The following MTHFD2L variants were observed in gnomAD, a reference collection of about 807,000 sequenced individuals.
MTHFD2L encodes the protein bifunctional methylenetetrahydrofolate dehydrogenase/cyclohydrolase 2, mitochondrial.
Under a neutral mutation model 34.9 loss-of-function variants are expected in MTHFD2L, and 29 were observed. That is an observed-to-expected ratio of 0.83 (90% CI 0.62 to 1.13). MTHFD2L has a LOEUF of 1.13. Ranked by LOEUF, MTHFD2L falls within the 50% of genes most tolerant of loss-of-function variation. The pLI is 0.00. For synonymous variants in MTHFD2L, 167 were observed against 155.7 expected, an observed-to-expected ratio of 1.07 and a Z score of -0.54; for missense variants, 481 against 446.5, an observed-to-expected ratio of 1.08 and a Z score of -0.70.
intron 1 of MTHFD2L, among the ~76,000 whole-genome samples, chr4:74,162,737 T>C (rs897090427): frequency 6.6e-5 from 10 of 152,242 alleles, no homozygotes; most frequent in Admixed American, 2.0e-4. Context: ...AGTTAACAGA[T>C]TGAGAAATTG....
intron 6 of MTHFD2L, among the ~76,000 whole-genome samples, chr4:74,227,518 G>A (rs1739351095): frequency 6.6e-6 from 1 of 151,012 alleles, no homozygotes; most frequent in Non-Finnish European, 1.5e-5. Context: ...ATCCCGAGCA[G>A]AGGAAACAGC....
chr4:74,295,445 T>G (rs1384003683), intron 7 of MTHFD2L, among the ~76,000 whole-genome samples: 2 of 152,140 alleles, frequency 1.3e-5, no homozygotes, highest in East Asian at 3.9e-4. Context: ...GGTACTCCCA[T>G]AAGTGCCTGA....
intron 7 of MTHFD2L, among the ~76,000 whole-genome samples, chr4:74,283,509 C>A (rs184510231): frequency 2.6e-4 from 40 of 152,098 alleles, no homozygotes; most frequent in Non-Finnish European, 5.4e-4. Context: ...GGCTGGGAGA[C>A]CTAGCCTGTT....
intron 7 of MTHFD2L, among the ~76,000 whole-genome samples, chr4:74,291,447 T>G (rs1264487723): frequency 1.3e-5 from 2 of 152,170 alleles, no homozygotes; most frequent in African/African-American, 4.8e-5. Flanking sequence ...TCCCCTCAAG[T>G]TAACTTAATG....
intron 6 of MTHFD2L, among the ~76,000 whole-genome samples, chr4:74,244,125 G>A (rs1335535449): frequency 6.6e-6 from 1 of 152,170 alleles, no homozygotes; most frequent in East Asian, 1.9e-4. Context: ...AATCTTTCCA[G>A]TCTTCTGATC....
intron 6 of MTHFD2L, among the ~76,000 whole-genome samples, chr4:74,279,854 G>C (rs1747201235): frequency 6.6e-6 from 1 of 152,010 alleles, no homozygotes; most frequent in Non-Finnish European, 1.5e-5. Flanking sequence ...TCAAACATTG[G>C]TGACTCTTCT....
chr4:74,258,476 T>C (rs778445829), intron 6 of MTHFD2L, among the ~76,000 whole-genome samples: 1 of 152,088 alleles, frequency 6.6e-6, no homozygotes, highest in Non-Finnish European at 1.5e-5. Context: ...CACAGATTTT[T>C]TTTAACCAAA....
At chr4:74,127,537 A>G (rs1457362561) in intron 1 of MTHFD2L, among the ~76,000 whole-genome samples, 1 of 152,130 alleles carries the variant, frequency 6.6e-6, no homozygotes, top group Admixed American at 6.6e-5. Context: ...CACTTAACAT[A>G]ATGACCTCCA....
chr4:74,207,598 TC>T (rs1271224163), intron 5 of MTHFD2L, among the ~76,000 whole-genome samples: 1 of 152,170 alleles, frequency 6.6e-6, no homozygotes, highest in Non-Finnish European at 1.5e-5. Flanking sequence ...AGGCACTGCC[TC>T]TGCATTGGCA....
At chr4:74,118,137 A>G (rs1721686956) in intron 2 of MTHFD2L, among the ~76,000 whole-genome samples, 1 of 152,230 alleles carries the variant, frequency 6.6e-6, no homozygotes, top group Non-Finnish European at 1.5e-5. Context: ...ATTAAATAAC[A>G]TTATTAAGTT....
At chr4:74,291,163 G>T (rs7670641) in intron 7 of MTHFD2L, among the ~76,000 whole-genome samples, 10 of 150,730 alleles carry the variant, frequency 6.6e-5, no homozygotes, top group Non-Finnish European at 1.5e-4. Flanking sequence ...GACTACAGAC[G>T]CACGTGCCAC....
chr4:74,266,715 C>A, intron 6 of MTHFD2L: 1 of 299,116 alleles, frequency 3.3e-6, no homozygotes, highest in Non-Finnish European at 4.9e-6. Flanking sequence ...CTTTTGAAAT[C>A]TTGAAGCTAA....
At chr4:74,116,033 G>A (rs1330519993) in intron 2 of MTHFD2L, among the ~76,000 whole-genome samples, 1 of 152,118 alleles carries the variant, frequency 6.6e-6, no homozygotes, top group African/African-American at 2.4e-5. Context: ...TTTTGTCTAG[G>A]ATTGATATAA....
intron 5 of MTHFD2L, among the ~76,000 whole-genome samples, chr4:74,203,897 GTT>G (rs11335042): frequency 8.6e-4 from 126 of 145,984 alleles, no homozygotes; most frequent in South Asian, 2.2e-3. Context: ...CCAATTTGCA[GTT>G]TTTTTTTTTT....
rs1048833880 is a variant in MTHFD2L, at chr4:74,158,389, G to C, written c.143+108G>C. The C allele has an allele frequency of 1.5e-5, 13 of 872,864 alleles. No homozygotes were observed. The African/African-American group carries it at 2.4e-4, about 16-fold the overall frequency. 54.1% of individuals were successfully genotyped at this position (872,864 alleles called of 1,614,324 possible). A position where few individuals can be genotyped will look rare whatever the true frequency, so the allele number is the denominator to read the frequency against. ...GCCCAAGGCTCGTGGGCGGCCGCGCGGCGGCGGGCTGGGTCGAGGACAGCC... is the reference window on the plus strand; with the variant it reads ...GCCCAAGGCTCGTGGGCGGCCGCGCCGCGGCGGGCTGGGTCGAGGACAGCC... On this transcript the variant is annotated intron_variant, in intron 1 of 7. Coordinates refer to ENST00000325278, the MANE Select transcript of MTHFD2L (RefSeq NM_001144978.3).
At chr4:74,231,812 C>T (rs1171720029) in intron 6 of MTHFD2L, among the ~76,000 whole-genome samples, 3 of 152,068 alleles carry the variant, frequency 2.0e-5, no homozygotes, top group Non-Finnish European at 4.4e-5. Context: ...CTATGCTGAT[C>T]TAAGTAGAAT....
At chr4:74,145,999 C>G (rs1291363963) in intron 1 of MTHFD2L, among the ~76,000 whole-genome samples, 1 of 152,024 alleles carries the variant, frequency 6.6e-6, no homozygotes, top group Non-Finnish European at 1.5e-5. Flanking sequence ...TCTCAGGTAT[C>G]GCTTTATAAG....
chr4:74,248,073 A>C (rs1265185194), intron 6 of MTHFD2L, among the ~76,000 whole-genome samples: 1 of 151,584 alleles, frequency 6.6e-6, no homozygotes, highest in Non-Finnish European at 1.5e-5. Context: ...TCCTCCTTGT[A>C]CCTCTGGTAG....
chr4:74,140,581 T>C, intron 1 of MTHFD2L: 1 of 969,186 alleles, frequency 1.0e-6, no homozygotes, highest in Non-Finnish European at 1.2e-6. Context: ...AAAGGCAATA[T>C]AATTCAAGGA....
Sources: gnomAD v4.1 joint callset for allele counts (sites outside exome capture counted in the v4.1 genomes callset) on GRCh38, gnomAD v4.1.1 for gene constraint, MANE v1.5 for transcripts, NCBI Gene and HGNC (gene_info 2026-07-23, HGNC 2026-07-21) for gene names.